ITGB1: variants seen among roughly 807,000 people sequenced by gnomAD.
ITGB1 encodes integrin subunit beta 1.
ITGB1 carries 24 observed loss-of-function variants against 86.5 expected under a neutral mutation model. The ratio of observed to expected loss-of-function variants is 0.28; its 90% CI spans 0.20 to 0.39. The LOEUF (loss-of-function observed/expected upper bound fraction) is 0.39, where lower values mean the gene tolerates loss of function less well. Among genes scored for constraint, ITGB1 ranks in the 10% least tolerant of loss-of-function variants. ITGB1 has a pLI of 1.00. For missense variants in ITGB1, 556 were observed against 946.9 expected (o/e 0.59, Z 5.42); for synonymous variants, 323 against 316.8 (o/e 1.02, Z -0.21).
At position 32,929,807 on chromosome 10, in the gene ITGB1, G is replaced by A; in HGVS notation, c.376+15C>T. ...AAGTAAACACGCAGGTATTCACAGAGTTGGGCTTCCATACCTGATCTTAAT... is the reference window on the plus strand; with the variant it reads ...AAGTAAACACGCAGGTATTCACAGAATTGGGCTTCCATACCTGATCTTAAT... On this transcript the variant is annotated intron_variant, in intron 4 of 15. Coordinates refer to ENST00000302278, the MANE Select transcript of ITGB1 (RefSeq NM_002211.4). 1.4e-6 allele frequency: 2 copies of A among 1,437,336 alleles called. No homozygotes were observed. The highest frequency in any genetic ancestry group is 9.8e-7 in the Non-Finnish European group (1 of 1,018,806). The allele number at this position is 1,437,336 out of a possible 1,614,324, so 89.0% of individuals were successfully genotyped here.
At chr10:32,925,794 T>C in intron 6 of ITGB1, 77 bp downstream of exon 6, 2 of 904,534 alleles carry the variant, frequency 2.2e-6, no homozygotes, top group Non-Finnish European at 3.5e-6. Context: ...ATTTTTCTAT[T>C]ATCATAGTAA....
At position 32,944,401 on chromosome 10, in the gene ITGB1, C is replaced by T. The variant is rs541697016; in HGVS notation, c.1-8843G>A. ...GCGTGGGCCTTGGTCTGTAAAGGGG[C>T]GTCTACGCGGCAGCAGCCGTGATCA... On this transcript the variant is annotated intron_variant, in intron 1 of 15. Transcript: ENST00000302278. The T allele has an allele frequency of 2.9e-4, 86 of 300,556 alleles. 1 individual carries two copies. In the Middle Eastern group the frequency reaches 4.7e-3, roughly 16 times the overall value. 18.6% of individuals were successfully genotyped at this position (300,556 alleles called of 1,614,324 possible).
chr10:32,920,170 T>C (rs2094944644), intron 10 of ITGB1, 75 bp downstream of exon 10: 1 of 1,569,538 alleles, frequency 6.4e-7, no homozygotes, highest in Non-Finnish European at 8.7e-7. Context: ...CTTATTTTAA[T>C]GTTTCTCAAA....
intron 15 of ITGB1, among the ~76,000 whole-genome samples, chr10:32,904,368 C>G (rs2137153504): frequency 6.6e-6 from 1 of 152,282 alleles, no homozygotes; most frequent in South Asian, 2.1e-4. Flanking sequence ...TGTGCTCACT[C>G]TGGAATGGCT....
intron 13 of ITGB1, 85 bp downstream of exon 13, chr10:32,911,363 G>A: frequency 3.6e-6 from 4 of 1,112,432 alleles, no homozygotes; most frequent in Non-Finnish European, 5.4e-6. Flanking sequence ...TTTAATATTG[G>A]CACTGTTCTG....
chr10:32,940,650 T>C (rs2095016235), intron 1 of ITGB1, among the ~76,000 whole-genome samples: 1 of 152,222 alleles, frequency 6.6e-6, no homozygotes, highest in Non-Finnish European at 1.5e-5. Flanking sequence ...CTGATGTCCA[T>C]GCCCAACCAT....
rs200018637 is a variant in ITGB1, at chr10:32,925,881, G to A, written c.776C>T (p.Ala259Val). 2.0e-5 allele frequency: 32 copies of A among 1,603,104 alleles called. No homozygotes were observed. The highest frequency in any genetic ancestry group is 2.6e-5 in the Non-Finnish European group (30 of 1,170,084). Residue 259 changes from alanine to valine, a missense_variant, in exon 6 of 16, where the codon GCA becomes GTA. Ala to Val is a moderately conservative substitution (Grantham distance 64). Transcript: ENST00000302278. ...EGGFDAIMQV[A>V]VCGSLIGWRN... ...AATGAATGCGCTTACTCCACAAACTGCAACTTGCATGATGGCATCGAAACC... is the reference window on the plus strand; with the variant it reads ...AATGAATGCGCTTACTCCACAAACTACAACTTGCATGATGGCATCGAAACC...
At chr10:32,944,781 C>A in intron 1 of ITGB1, 2 of 744,180 alleles carry the variant, frequency 2.7e-6, no homozygotes, top group African/African-American at 3.5e-5. Context: ...ATTCATCCTG[C>A]CAGTGGCTGA....
intron 7 of ITGB1, among the ~76,000 whole-genome samples, chr10:32,923,066 T>C (rs2094954909): frequency 6.6e-6 from 1 of 152,210 alleles, no homozygotes; most frequent in Admixed American, 6.5e-5. Flanking sequence ...AGTTTATCTA[T>C]GTATATTAAA....
chr10:32,912,191 A>T (rs191006854), intron 11 of ITGB1, 67 bp from the exon 12 acceptor site: 3 of 1,305,792 alleles, frequency 2.3e-6, no homozygotes. Flanking sequence ...CAAGATGGCC[A>T]AACAGGAACA....
At position 32,946,620 on chromosome 10, in the gene ITGB1, C is replaced by T. The variant is rs185300704; in HGVS notation, c.1-11062G>A. The stretch of plus-strand genomic sequence containing the variant: ...ATCTTCCACAGCATATTTACTCTTA[C>T]TTTACTTGGTGCTAAAGCAAATGAA... On this transcript the variant is annotated intron_variant, in intron 1 of 15. Transcript: ENST00000302278. 3.2e-3 allele frequency among the ~76,000 whole-genome samples: 487 copies of T among 151,930 alleles called. 1 individual carries two copies. The highest frequency in any genetic ancestry group is 4.9e-3 in the Non-Finnish European group (336 of 67,988).
intron 2 of ITGB1, chr10:32,933,519 T>C (rs769875659): frequency 7.9e-5 from 12 of 152,220 alleles, no homozygotes; most frequent in Non-Finnish European, 1.6e-4. Context: ...TAAGCGCTAA[T>C]ACAGACTGTC....
intron 11 of ITGB1, among the ~76,000 whole-genome samples, chr10:32,919,357 T>C (rs1460626475): frequency 6.6e-6 from 1 of 152,240 alleles, no homozygotes; most frequent in Non-Finnish European, 1.5e-5. Flanking sequence ...TTAGTTTTCT[T>C]AGTACTAGAT....
chr10:32,931,559 A>G (rs1254468857), intron 3 of ITGB1, among the ~76,000 whole-genome samples: 2 of 151,914 alleles, frequency 1.3e-5, no homozygotes, highest in African/African-American at 2.4e-5. Context: ...AACTCACAAC[A>G]CTCCATATTT....
chr10:32,917,514 C>A (rs566726242), intron 11 of ITGB1, among the ~76,000 whole-genome samples: 1 of 152,244 alleles, frequency 6.6e-6, no homozygotes, highest in East Asian at 1.9e-4. Flanking sequence ...CAAACAACCC[C>A]ACCAAAAAGT....
chr10:32,943,068 C>T (rs960881941), intron 1 of ITGB1, among the ~76,000 whole-genome samples: 2 of 152,158 alleles, frequency 1.3e-5, no homozygotes, highest in African/African-American at 4.8e-5. Flanking sequence ...AATTGTATGA[C>T]ATTTTTCTCT....
intron 1 of ITGB1, among the ~76,000 whole-genome samples, chr10:32,941,750 C>T (rs565623448): frequency 6.6e-6 from 1 of 152,248 alleles, no homozygotes; most frequent in African/African-American, 2.4e-5. Flanking sequence ...CAGCAACAAA[C>T]AAGAAGACGA....
chr10:32,937,243 A>C (rs969154801), intron 1 of ITGB1, among the ~76,000 whole-genome samples: 3 of 152,232 alleles, frequency 2.0e-5, no homozygotes, highest in African/African-American at 7.2e-5. Context: ...AGTCATTGCA[A>C]TAATAAAATG....
intron 7 of ITGB1, among the ~76,000 whole-genome samples, chr10:32,923,344 T>A (rs992392716): frequency 9.2e-5 from 14 of 152,172 alleles, no homozygotes; most frequent in African/African-American, 3.4e-4. Context: ...GAAAGTGGCA[T>A]CTGGGCATCC....
Sources: allele counts gnomAD v4.1 joint callset (sites outside exome capture counted in the v4.1 genomes callset), GRCh38; gene constraint gnomAD v4.1.1; transcripts MANE v1.5; gene names NCBI Gene and HGNC (gene_info 2026-07-23, HGNC 2026-07-21).